Variants in NTRK1 observed in about 807,000 individuals in gnomAD.
NTRK1 encodes the protein neurotrophic receptor tyrosine kinase 1.
In NTRK1, 62 loss-of-function variants were observed where a neutral mutation model predicts 86.8. The observed-to-expected ratio is 0.71, with a 90% CI of 0.58 to 0.88. NTRK1 has a LOEUF of 0.88. Among genes scored for constraint, NTRK1 ranks in the 40% least tolerant of loss-of-function variants. The pLI is 0.00. For missense variants in NTRK1, 967 were observed against 1,078.4 expected, an observed-to-expected ratio of 0.90 and a Z score of 1.45; for synonymous variants, 469 against 456.6, an observed-to-expected ratio of 1.03 and a Z score of -0.35.
At chr1:156,843,564 A>C in intron 2 of NTRK1, 1 of 1,396,816 alleles carries the variant, frequency 7.2e-7, no homozygotes, top group East Asian at 2.3e-5. Context: ...GGACATTTCA[A>C]GGAGGAGGGA....
rs763488189 is a variant in NTRK1, at chr1:156,871,691, C to A, written c.786C>A (p.Asn262Lys). The change falls in exon 7 of 17, where the codon AAC becomes AAA. Residue 262 changes from asparagine to lysine, a missense_variant. Asn to Lys is a moderately conservative substitution (Grantham distance 94, BLOSUM62 0). Coordinates refer to ENST00000524377, the MANE Select transcript of NTRK1 (RefSeq NM_002529.4). Reference sequence around the variant, plus strand: ...TCACCAGTGACCTCAACAGGAAGAACGTGACGTGCTGGGCAGAGAACGATG... The same window carrying A: ...TCACCAGTGACCTCAACAGGAAGAAAGTGACGTGCTGGGCAGAGAACGATG... ...ANVTSDLNRK[N>K]VTCWAENDVG... The A allele has an allele frequency of 3.1e-6, 5 of 1,614,198 alleles. No homozygotes were observed. Among genetic ancestry groups the A allele is most frequent in the Non-Finnish European group, 4.2e-6 (5 of 1,180,048 alleles).
chr1:156,843,762 T>C (rs1484779547), intron 2 of NTRK1, among the ~76,000 whole-genome samples: 1 of 152,224 alleles, frequency 6.6e-6, no homozygotes, highest in Non-Finnish European at 1.5e-5. Flanking sequence ...CATTTTCCTC[T>C]TGCAGTCAGC....
At chr1:156,881,114 C>T (rs1350507844) in intron 16 of NTRK1, among the ~76,000 whole-genome samples, 1 of 152,170 alleles carries the variant, frequency 6.6e-6, no homozygotes, top group Non-Finnish European at 1.5e-5. Context: ...TCTCCTCCTC[C>T]TTTCAGCCCC....
intron 2 of NTRK1, chr1:156,844,374 G>A: frequency 6.4e-7 from 1 of 1,558,686 alleles, no homozygotes; most frequent in Non-Finnish European, 8.8e-7. Context: ...GTGAGGATGG[G>A]GAGGGATGCG....
intron 1 of NTRK1, among the ~76,000 whole-genome samples, chr1:156,827,247 A>T (rs1356214904): frequency 7.6e-6 from 1 of 132,084 alleles, no homozygotes; most frequent in Admixed American, 8.2e-5. Flanking sequence ...ACACCCAATT[A>T]ATTTTTATTT....
chr1:156,881,382 AG>A, intron 16 of NTRK1, 74 bp from the exon 17 acceptor site: 1 of 1,449,750 alleles, frequency 6.9e-7, no homozygotes, highest in Non-Finnish European at 9.3e-7. Flanking sequence ...AGCCTCAGTG[AG>A]GGCACTGGGA....
intron 1 of NTRK1, among the ~76,000 whole-genome samples, chr1:156,832,632 G>A (rs1427899588): frequency 1.3e-5 from 2 of 152,178 alleles, no homozygotes; most frequent in Admixed American, 6.5e-5. Flanking sequence ...CTGGAGGATG[G>A]TATGGGTGTG....
intron 2 of NTRK1, among the ~76,000 whole-genome samples, chr1:156,848,116 C>T (rs868695067): frequency 6.6e-6 from 1 of 152,136 alleles, no homozygotes; most frequent in African/African-American, 2.4e-5. Flanking sequence ...CAGCTGCCCA[C>T]GCTGGAGACC....
chr1:156,832,073 C>T (rs531353740), intron 1 of NTRK1, among the ~76,000 whole-genome samples: 25 of 152,256 alleles, frequency 1.6e-4, no homozygotes, highest in Non-Finnish European at 3.4e-4. Context: ...ATTTGACGGG[C>T]GACTTCACCT....
At chr1:156,837,568 T>G (rs1029185104) in intron 1 of NTRK1, among the ~76,000 whole-genome samples, 2 of 152,146 alleles carry the variant, frequency 1.3e-5, no homozygotes, top group East Asian at 3.8e-4. Flanking sequence ...ACTTTGTCAA[T>G]CGACCTCACA....
chr1:156,849,201 T>C, intron 2 of NTRK1: 1 of 1,607,572 alleles, frequency 6.2e-7, no homozygotes, highest in South Asian at 1.1e-5. Flanking sequence ...TGTGCGTGTC[T>C]AGTGTGTGGC....
chr1:156,854,361 G>A lies in NTRK1; in HGVS notation c.51-9993G>A. On this transcript the variant is annotated intron_variant, in intron 2 of 16. Transcript: ENST00000392302. The surrounding 1 kb of genome is among the most constrained non-coding windows in gnomAD (Gnocchi z 4.2). ...CAGCCCAGGCCAAATTCCCCATCCA[G>A]CCCTGGCAGCTTTGGAGGGGAGCCA... 6.7e-7 allele frequency: 1 copy of A among 1,493,230 alleles called. No homozygotes were observed. 92.5% of individuals were successfully genotyped at this position (1,493,230 alleles called of 1,614,324 possible).
rs2768753 is a variant in NTRK1, at chr1:156,834,872, G to T, written c.-63-7209G>T. Reference sequence around the variant, plus strand: ...AGGAGAGTGGGAGCCCAGTGAGGAAGAATTTGGGGAAGGCCTCAAGGGGTG... The same window carrying T: ...AGGAGAGTGGGAGCCCAGTGAGGAATAATTTGGGGAAGGCCTCAAGGGGTG... On this transcript the variant is annotated intron_variant, in intron 1 of 16. Transcript: ENST00000392302. Among the ~76,000 whole-genome samples, 195 of 152,232 alleles carry T rather than the reference G, an allele frequency of 1.3e-3. 1 individual carries two copies. The highest frequency in any genetic ancestry group is 6.8e-3 in the Middle Eastern group (2 of 294).
chr1:156,849,962 G>C (rs1655144941), intron 2 of NTRK1, among the ~76,000 whole-genome samples: 1 of 151,834 alleles, frequency 6.6e-6, no homozygotes, highest in African/African-American at 2.4e-5. Flanking sequence ...GAGTGCAGTG[G>C]CACAATTGTG....
chr1:156,845,985 C>T lies in NTRK1; in HGVS notation c.50+3792C>T, dbSNP rs202160611. 76 of 1,613,530 alleles carry T rather than the reference C, an allele frequency of 4.7e-5. No individual in the cohort carries two copies. The East Asian group carries it at 1.5e-3, about 33-fold the overall frequency. On this transcript the variant is annotated intron_variant, in intron 2 of 16. Coordinates refer to the NTRK1 transcript ENST00000392302. The stretch of plus-strand genomic sequence containing the variant: ...CAGTAGTCATTGAGGTAGAGGTCGC[C>T]GTCCTCTGCCAGCCGCTGCCACAGC...
At chr1:156,876,825 T>G (rs1647954005) in intron 14 of NTRK1, among the ~76,000 whole-genome samples, 1 of 151,790 alleles carries the variant, frequency 6.6e-6, no homozygotes, top group African/African-American at 2.4e-5. Context: ...GCTAAAACTT[T>G]GGGGTGGGTG....
At chr1:156,820,149 T>C (rs1654144057) in intron 1 of NTRK1, among the ~76,000 whole-genome samples, 1 of 152,204 alleles carries the variant, frequency 6.6e-6, no homozygotes, top group Non-Finnish European at 1.5e-5. Context: ...TTGATTTTTG[T>C]ATAAGGAGAG....
At chr1:156,818,241 A>C (rs1030968240) in intron 1 of NTRK1, among the ~76,000 whole-genome samples, 2 of 152,032 alleles carry the variant, frequency 1.3e-5, no homozygotes, top group African/African-American at 4.8e-5. Flanking sequence ...GAAAAAAAAA[A>C]CTTTGTTTCA....
At position 156,840,804 on chromosome 1, in the gene NTRK1, G is replaced by C. The variant is rs751986902; in HGVS notation, c.-63-1277G>C. 8.2e-6 allele frequency: 10 copies of C among 1,217,852 alleles called. No individual in the cohort carries two copies. The Admixed American group carries it at 9.8e-5, about 12-fold the overall frequency. The allele number at this position is 1,217,852 out of a possible 1,614,324, so 75.4% of individuals were successfully genotyped here. On this transcript the variant is annotated intron_variant, in intron 1 of 16. Coordinates refer to the NTRK1 transcript ENST00000392302. ...TTGGGGTGGGGGTGAACATTCAGGC[G>C]TCTCAGCCACAGAGGTCGGGTCCCT...
Sources: gnomAD v4.1 joint callset for allele counts (sites outside exome capture counted in the v4.1 genomes callset) on GRCh38, gnomAD v4.1.1 for gene constraint, Gnocchi (gnomAD v3.1) non-coding constraint, MANE v1.5 for transcripts, NCBI Gene and HGNC (gene_info 2026-07-23, HGNC 2026-07-21) for gene names.